TIAM2: variants seen among roughly 807,000 people sequenced by gnomAD.
TIAM2 encodes the protein TIAM Rac1 associated GEF 2.
In TIAM2, 80 loss-of-function variants were observed where a neutral mutation model predicts 152.9. The ratio of observed to expected loss-of-function variants is 0.52; its 90% confidence interval spans 0.44 to 0.63. The LOEUF (loss-of-function observed/expected upper bound fraction) is 0.63, where lower values mean the gene tolerates loss of function less well. Among genes scored for constraint, TIAM2 ranks in the 30% least tolerant of loss-of-function variants. TIAM2 has a pLI of 0.00. For synonymous variants in TIAM2, 804 were observed against 838.0 expected, an observed-to-expected ratio of 0.96 and a Z score of 0.70; for missense variants, 1,965 against 2,120.1, an observed-to-expected ratio of 0.93 and a Z score of 1.44.
At chr6:155,203,959 T>TGACCACCAGGTGAC (rs1284562523) in intron 14 of TIAM2, among the ~76,000 whole-genome samples, 7 of 152,134 alleles carry the variant, frequency 4.6e-5, no homozygotes, top group African/African-American at 1.7e-4. Flanking sequence ...TCAGAGGTGG[T>TGACCACCAGGTGAC]GGCGCTGACC....
rs555480856 is a variant in TIAM2, at chr6:155,248,538, C to G, written c.3832+359C>G. Among the ~76,000 whole-genome samples the G allele has an allele frequency of 2.6e-5, 4 of 152,310 alleles. No homozygotes were observed. The South Asian group carries it at 6.2e-4, about 24-fold the overall frequency. On this transcript the variant is annotated intron_variant, in intron 20 of 26. Transcript: ENST00000682666. Reference sequence around the variant, plus strand: ...GAAAATCAGGCCTATTTTCCTACCACTTGGTTAAGTTTTGTGGGGTTCGCT... The same window carrying G: ...GAAAATCAGGCCTATTTTCCTACCAGTTGGTTAAGTTTTGTGGGGTTCGCT...
chr6:155,242,785 G>C (rs1235748756), intron 16 of TIAM2, among the ~76,000 whole-genome samples: 1 of 152,074 alleles, frequency 6.6e-6, no homozygotes, highest in African/African-American at 2.4e-5. Flanking sequence ...ACCCAGGCTG[G>C]AGTGCAGTGG....
chr6:155,044,034 A>G (rs553640308), intron 1 of TIAM2, among the ~76,000 whole-genome samples: 1 of 152,328 alleles, frequency 6.6e-6, no homozygotes, highest in South Asian at 2.1e-4. Context: ...ATTGGCCAAA[A>G]CATGAATATG....
At chr6:155,123,185 G>GT (rs34702441) in intron 2 of TIAM2, among the ~76,000 whole-genome samples, 41,770 of 147,936 alleles carry the variant, frequency 0.28, 6,306 homozygotes, top group East Asian at 0.66. Flanking sequence ...GTTTAAGGCT[G>GT]TTTTTTTTTT....
chr6:155,099,406 G>A (rs529118167), intron 2 of TIAM2, among the ~76,000 whole-genome samples: 24 of 152,166 alleles, frequency 1.6e-4, no homozygotes, highest in Admixed American at 7.2e-4. Flanking sequence ...CTAGTATTGC[G>A]TTTTGAATTT....
rs561193701 is a variant in TIAM2, at chr6:155,125,576, C to A, written c.-117-1914C>A. On this transcript the variant is annotated intron_variant, in intron 2 of 26. Transcript: ENST00000682666. ...AAATAGGGCTGGGCGCGGTGGCTCACGCCTGTTATCCCAGCACTTTGGGAG... is the reference window on the plus strand; with the variant it reads ...AAATAGGGCTGGGCGCGGTGGCTCAAGCCTGTTATCCCAGCACTTTGGGAG... Among the ~76,000 whole-genome samples, 3 of 152,058 alleles carry A rather than the reference C, an allele frequency of 2.0e-5. No homozygotes were observed. The East Asian group carries it at 5.8e-4, about 30-fold the overall frequency.
At chr6:155,172,800 A>G (rs1222359788) in intron 9 of TIAM2, among the ~76,000 whole-genome samples, 2 of 148,726 alleles carry the variant, frequency 1.3e-5, no homozygotes, top group African/African-American at 2.5e-5. Flanking sequence ...TGGGTGGTTA[A>G]AAAGGTTAAT....
At chr6:155,003,914 G>A (rs1316247784) in intron 1 of TIAM2, among the ~76,000 whole-genome samples, 1 of 152,006 alleles carries the variant, frequency 6.6e-6, no homozygotes, top group East Asian at 1.9e-4. Context: ...CCTGGGAGAT[G>A]GAGGTTGCAG....
At chr6:155,195,270 A>G (rs893697856) in intron 14 of TIAM2, among the ~76,000 whole-genome samples, 10 of 152,226 alleles carry the variant, frequency 6.6e-5, no homozygotes, top group African/African-American at 2.4e-4. Context: ...TTCAAGGTGG[A>G]AAATGAACTT....
At chr6:155,228,103 G>A (rs1199383790) in intron 15 of TIAM2, among the ~76,000 whole-genome samples, 1 of 152,160 alleles carries the variant, frequency 6.6e-6, no homozygotes, top group Non-Finnish European at 1.5e-5. Context: ...CTTAGTGAAG[G>A]GAGAGTCTGG....
intron 1 of TIAM2, among the ~76,000 whole-genome samples, chr6:155,074,549 C>T (rs549141459): frequency 3.0e-4 from 46 of 152,144 alleles, no homozygotes; most frequent in African/African-American, 7.5e-4. Context: ...GGTTTCGCCA[C>T]GTGGGCCAGG....
intron 15 of TIAM2, among the ~76,000 whole-genome samples, chr6:155,237,372 GTTGAGTATCTACAGCT>G (rs568982898): frequency 4.1e-4 from 63 of 152,388 alleles, no homozygotes; most frequent in Non-Finnish European, 7.8e-4. Context: ...ACAGGCTGGT[GTTGAGTATCTACAGCT>G]TTGCCAGGCA....
At chr6:155,047,125 A>T (rs753198905) in intron 1 of TIAM2, among the ~76,000 whole-genome samples, 13 of 152,138 alleles carry the variant, frequency 8.5e-5, no homozygotes, top group Non-Finnish European at 1.8e-4. Context: ...TCCTTGTCCC[A>T]TACTCATCCA....
At chr6:155,256,231 T>C in intron 26 of TIAM2, 1 of 598,954 alleles carries the variant, frequency 1.7e-6, no homozygotes, top group South Asian at 2.1e-5. Context: ...TTCTAGTGTC[T>C]AGTTCTATTT....
chr6:155,231,589 C>T (rs113174870), intron 15 of TIAM2, among the ~76,000 whole-genome samples: 1 of 152,226 alleles, frequency 6.6e-6, no homozygotes, highest in African/African-American at 2.4e-5. Flanking sequence ...CCAGGAGAAA[C>T]TGGATGTGGT....
chr6:155,215,812 T>C (rs1022057715), intron 15 of TIAM2, among the ~76,000 whole-genome samples: 1 of 151,072 alleles, frequency 6.6e-6, no homozygotes, highest in Non-Finnish European at 1.5e-5. Flanking sequence ...AATTTTGTTT[T>C]ATTTTATTTT....
chr6:155,094,287 A>G (rs1778364108), intron 2 of TIAM2, among the ~76,000 whole-genome samples: 1 of 152,188 alleles, frequency 6.6e-6, no homozygotes, highest in African/African-American at 2.4e-5. Context: ...CCATCATCAA[A>G]TGTCAGTTGT....
At chr6:155,106,719 T>TA (rs1471191700) in intron 2 of TIAM2, among the ~76,000 whole-genome samples, 4 of 152,166 alleles carry the variant, frequency 2.6e-5, no homozygotes, top group Non-Finnish European at 4.4e-5. Flanking sequence ...TTCAAGTGAG[T>TA]AAACCTTTAT....
In TIAM2 at chr6:155,045,720, C is replaced by T. The variant is rs139084986; in HGVS notation, c.-208-44569C>T. Among the ~76,000 whole-genome samples the T allele has an allele frequency of 4.9e-3, 739 of 151,882 alleles. 3 individuals are homozygous for T. The highest frequency in any genetic ancestry group is 0.017 in the African/African-American group (694 of 41,466). Reference sequence around the variant, plus strand: ...TTGCCTCTGCAGTGGTTGAAGACAGCGGGTGGTGCCACAGTGCTTTTACCC... The same window carrying T: ...TTGCCTCTGCAGTGGTTGAAGACAGTGGGTGGTGCCACAGTGCTTTTACCC... On this transcript the variant is annotated intron_variant, in intron 1 of 26. Coordinates refer to ENST00000682666, the MANE Select transcript of TIAM2 (RefSeq NM_012454.4).
Sources: allele counts gnomAD v4.1 joint callset (sites outside exome capture counted in the v4.1 genomes callset), GRCh38; gene constraint gnomAD v4.1.1; transcripts MANE v1.5; gene names NCBI Gene and HGNC (gene_info 2026-07-23, HGNC 2026-07-21).